STOX2: variants seen among roughly 807,000 people sequenced by gnomAD.
The protein encoded by STOX2 is storkhead-box protein 2.
In STOX2, 28 loss-of-function variants were observed where a neutral mutation model predicts 60.9. That is an observed-to-expected ratio of 0.46 (90% confidence interval 0.34 to 0.63). The LOEUF is 0.63. Ranked by LOEUF, STOX2 falls within the 30% of genes least tolerant of loss-of-function variation. STOX2 has a pLI of 0.01. For missense variants in STOX2, 1,024 were observed against 1,187.7 expected (o/e 0.86, Z 2.03); for synonymous variants, 472 against 463.9 (o/e 1.02, Z -0.22).
At chr4:183,874,923 C>CAAAAAAAAA (rs869044658) in intron 1 of STOX2, among the ~76,000 whole-genome samples, 2 of 20,626 alleles carry the variant, frequency 9.7e-5, no homozygotes, top group African/African-American at 2.3e-4. Context: ...GACTCCGCCT[C>CAAAAAAAAA]AAAAAAAAAA....
chr4:183,817,579 T>A (rs1474300986), intron 1 of STOX2, among the ~76,000 whole-genome samples: 1 of 152,186 alleles, frequency 6.6e-6, no homozygotes, highest in Non-Finnish European at 1.5e-5. Context: ...AAACAAACAT[T>A]ATAGTTCATG....
intron 3 of STOX2, among the ~76,000 whole-genome samples, chr4:184,016,544 C>T (rs1031415390): frequency 2.0e-5 from 3 of 151,924 alleles, no homozygotes; most frequent in African/African-American, 7.3e-5. Context: ...TGGAATAAAA[C>T]GTTTAAAGTG....
Position 183,856,764 on chromosome 4 carries a change from T to C in STOX2, c.364+58709T>C, listed in dbSNP as rs932341357. Among the ~76,000 whole-genome samples, 1 of 152,242 alleles carries C rather than the reference T, an allele frequency of 6.6e-6. No individual in the cohort carries two copies. The highest frequency in any genetic ancestry group is 1.5e-5 in the Non-Finnish European group (1 of 68,044). Reference sequence around the variant, plus strand: ...TGAAAGTGCTACTTTAAAAATAGTCTTTTTTCAGTAGTGTCTGTTTAATAG... The same window carrying C: ...TGAAAGTGCTACTTTAAAAATAGTCCTTTTTCAGTAGTGTCTGTTTAATAG... On this transcript the variant is annotated intron_variant, in intron 1 of 2. Coordinates refer to the STOX2 transcript ENST00000513034. The surrounding 1 kb of genome is among the most constrained non-coding windows in gnomAD (Gnocchi z 4.0).
intron 1 of STOX2, among the ~76,000 whole-genome samples, chr4:183,965,568 A>G (rs1743541570): frequency 6.6e-6 from 1 of 152,170 alleles, no homozygotes; most frequent in South Asian, 2.1e-4. Flanking sequence ...ATCTGTCCTT[A>G]TGTAATGTCC....
At chr4:183,818,711 G>A (rs1030717992) in intron 1 of STOX2, among the ~76,000 whole-genome samples, 5 of 151,550 alleles carry the variant, frequency 3.3e-5, no homozygotes, top group Non-Finnish European at 7.4e-5. Context: ...CGGGGTAGCC[G>A]GCTGGGCGGG....
chr4:183,992,394 T>TAGAG (rs1334030644), intron 1 of STOX2, among the ~76,000 whole-genome samples: 2 of 152,202 alleles, frequency 1.3e-5, no homozygotes, highest in African/African-American at 4.8e-5. Context: ...ATGTGTGACC[T>TAGAG]AGAGTTGTTA....
chr4:183,839,499 T>A (rs1263640803), intron 1 of STOX2, among the ~76,000 whole-genome samples: 2 of 152,318 alleles, frequency 1.3e-5, no homozygotes, highest in East Asian at 1.9e-4. Context: ...AAATGGAAAG[T>A]TGTGGCTCAT....
chr4:183,798,872 T>C (rs2111088133), intron 1 of STOX2: 2 of 863,394 alleles, frequency 2.3e-6, no homozygotes, highest in South Asian at 5.5e-5. Context: ...GAATATACTT[T>C]TGAGTTTTGT....
intron 1 of STOX2, chr4:183,798,884 C>G: frequency 2.5e-6 from 1 of 400,162 alleles, no homozygotes; most frequent in Non-Finnish European, 3.0e-6. Context: ...GAGTTTTGTA[C>G]TTTGGGTTTT....
intron 1 of STOX2, among the ~76,000 whole-genome samples, chr4:183,883,017 T>C (rs1156943596): frequency 1.3e-5 from 2 of 152,216 alleles, no homozygotes; most frequent in East Asian, 3.9e-4. Context: ...GCTTTTTTTT[T>C]CTTTTTATCA....
intron 1 of STOX2, among the ~76,000 whole-genome samples, chr4:183,965,974 A>C (rs553901263): frequency 6.6e-6 from 1 of 151,198 alleles, no homozygotes; most frequent in Non-Finnish European, 1.5e-5. Context: ...GATTTATGGG[A>C]TAGAGTGAAC....
At position 183,928,963 on chromosome 4, in the gene STOX2, G is replaced by T. The variant is rs144509583; in HGVS notation, c.166+22007G>T. Among the ~76,000 whole-genome samples the T allele has an allele frequency of 4.5e-3, 681 of 152,300 alleles. 6 individuals are homozygous for T. The highest frequency in any genetic ancestry group is 0.016 in the African/African-American group (659 of 41,574). On this transcript the variant is annotated intron_variant, in intron 1 of 3. Coordinates refer to ENST00000308497, the MANE Select transcript of STOX2 (RefSeq NM_020225.3). The stretch of plus-strand genomic sequence containing the variant: ...ATAGCTCTTACTCAAAGGAAAAGAA[G>T]CTTTGGATAAAGTGTGAAATACTTG...
intron 1 of STOX2, chr4:183,798,887 T>G: frequency 1.8e-6 from 1 of 550,764 alleles, no homozygotes; most frequent in Non-Finnish European, 2.3e-6. Flanking sequence ...TTTTGTACTT[T>G]GGGTTTTATA....
intron 1 of STOX2, among the ~76,000 whole-genome samples, chr4:183,957,180 T>C (rs949143164): frequency 8.9e-5 from 12 of 134,092 alleles, no homozygotes; most frequent in African/African-American, 2.6e-4. Flanking sequence ...ATAATAATAA[T>C]AATAAAAGAA....
chr4:183,950,285 A>G (rs1743028404), intron 1 of STOX2, among the ~76,000 whole-genome samples: 2 of 152,210 alleles, frequency 1.3e-5, no homozygotes, highest in Non-Finnish European at 2.9e-5. Flanking sequence ...ATCCAAGGAT[A>G]TCGGGTAGTG....
At chr4:183,845,181 T>C (rs1426636808) in intron 1 of STOX2, among the ~76,000 whole-genome samples, 1 of 151,992 alleles carries the variant, frequency 6.6e-6, no homozygotes, top group African/African-American at 2.4e-5. Context: ...TCAGCTAAAG[T>C]GGTACAGGAG....
At chr4:183,844,387 A>G (rs1417399615) in intron 1 of STOX2, among the ~76,000 whole-genome samples, 2 of 152,196 alleles carry the variant, frequency 1.3e-5, no homozygotes, top group Non-Finnish European at 2.9e-5. Flanking sequence ...ATTTTACTAT[A>G]AAATTATCAG....
rs190345225 is a variant in STOX2 at position 183,899,128 on chromosome 4, C to T, written c.364+101073C>T. 4.7e-4 allele frequency among the ~76,000 whole-genome samples: 72 copies of T among 152,278 alleles called. No individual in the cohort carries two copies. In the South Asian group the frequency reaches 8.1e-3, roughly 17 times the overall value. On this transcript the variant is annotated intron_variant, in intron 1 of 2. Coordinates refer to the STOX2 transcript ENST00000513034. ...TTATTGTAATTGTTTTGGGGCTCCACGAAGTGTGCCCATATAAGATGGCAA... is the reference window on the plus strand; with the variant it reads ...TTATTGTAATTGTTTTGGGGCTCCATGAAGTGTGCCCATATAAGATGGCAA...
At chr4:183,926,006 A>G (rs1297955282) in intron 1 of STOX2, among the ~76,000 whole-genome samples, 1 of 152,156 alleles carries the variant, frequency 6.6e-6, no homozygotes, top group African/African-American at 2.4e-5. Context: ...CCAAACTCCA[A>G]ATTGGTAGGT....
Sources: allele counts gnomAD v4.1 joint callset (sites outside exome capture counted in the v4.1 genomes callset), GRCh38; gene constraint gnomAD v4.1.1; non-coding constraint Gnocchi (gnomAD v3.1); transcripts MANE v1.5; gene names NCBI Gene and HGNC (gene_info 2026-07-23, HGNC 2026-07-21).